RAB38: variants seen among roughly 807,000 people sequenced by gnomAD.
The protein encoded by RAB38 is ras-related protein Rab-38.
A neutral mutation model predicts 18.4 loss-of-function variants in RAB38; 15 were observed. The observed-to-expected ratio is 0.82, with a 90% confidence interval of 0.55 to 1.26. RAB38 has a LOEUF of 1.26. Ranked by LOEUF, RAB38 falls within the 50% of genes most tolerant of loss-of-function variation. The probability of loss-of-function intolerance (pLI) is 0.00; values close to 1 mark genes in which losing one functional copy is unlikely to be tolerated. For missense variants in RAB38, 294 were observed against 267.4 expected (o/e 1.10, Z -0.69); for synonymous variants, 101 against 104.4 (o/e 0.97, Z 0.20).
At chr11:87,852,262 C>G in the RAB38 span, among the ~76,000 whole-genome samples, 304 of 152,178 alleles carry the variant, frequency 2.0e-3, 1 homozygote, top group African/African-American at 7.1e-3. Flanking sequence ...GGGAGAAGGT[C>G]AGAGGAAAGG....
chr11:88,062,727 G>A, the RAB38 span, among the ~76,000 whole-genome samples: 1 of 152,162 alleles, frequency 6.6e-6, no homozygotes, highest in African/African-American at 2.4e-5. Context: ...TTCTAGTCCA[G>A]GTTTCCCACA....
At chr11:88,065,459 G>C in the RAB38 span, among the ~76,000 whole-genome samples, 7 of 152,136 alleles carry the variant, frequency 4.6e-5, no homozygotes, top group African/African-American at 9.7e-5. Context: ...ATGTCTAGCT[G>C]TAATTCCAAA....
At chr11:87,945,402 G>A in the RAB38 span, among the ~76,000 whole-genome samples, 2 of 152,154 alleles carry the variant, frequency 1.3e-5, no homozygotes, top group Non-Finnish European at 2.9e-5. Flanking sequence ...GAGACTTAAA[G>A]CAATTCAGAT....
chr11:87,822,110 G>GA, the RAB38 span, among the ~76,000 whole-genome samples: 10 of 144,806 alleles, frequency 6.9e-5, no homozygotes, highest in Admixed American at 6.8e-4. Context: ...ACTAAAATAA[G>GA]AAAAAAATAC....
chr11:87,813,217 G>A, the RAB38 span, among the ~76,000 whole-genome samples: 1 of 152,120 alleles, frequency 6.6e-6, no homozygotes, highest in Admixed American at 6.5e-5. Flanking sequence ...AAACCTCACA[G>A]GATTTATTTC....
At chr11:87,946,975 C>A in the RAB38 span, among the ~76,000 whole-genome samples, 1 of 151,760 alleles carries the variant, frequency 6.6e-6, no homozygotes, top group East Asian at 1.9e-4. Context: ...CACTGACTTC[C>A]ACAATGGTTG....
At chr11:88,036,583 A>C in the RAB38 span, among the ~76,000 whole-genome samples, 1 of 152,114 alleles carries the variant, frequency 6.6e-6, no homozygotes, top group African/African-American at 2.4e-5. Flanking sequence ...CTTTTTTCTT[A>C]GAACATTTTA....
chr11:88,052,935 T>TATATATATATATATATATATC, the RAB38 span, among the ~76,000 whole-genome samples: 1 of 85,790 alleles, frequency 1.2e-5, no homozygotes, highest in African/African-American at 5.2e-5. Context: ...TATATATATA[T>TATATATATATATATATATATC]ATATATATAA....
chr11:87,924,999 G>A, the RAB38 span, among the ~76,000 whole-genome samples: 1 of 152,004 alleles, frequency 6.6e-6, no homozygotes, highest in African/African-American at 2.4e-5. Context: ...TGCACACTAG[G>A]TAAACGAGGG....
the RAB38 span, among the ~76,000 whole-genome samples, chr11:87,976,764 CATA>C: frequency 1.1e-5 from 1 of 95,222 alleles, no homozygotes; most frequent in Non-Finnish European, 1.9e-5. Context: ...ATATATTTCA[CATA>C]ATATATATTT....
the RAB38 span, among the ~76,000 whole-genome samples, chr11:87,868,608 A>AGAGAGAGAGAGAGAGAGAGAGAGG: frequency 5.8e-5 from 6 of 102,988 alleles, no homozygotes; most frequent in African/African-American, 8.0e-5. Flanking sequence ...AGAGAGAGAG[A>AGAGAGAGAGAGAGAGAGAGAGAGG]GAGAGAGAGA....
At chr11:88,109,120 G>A (rs1470179467), downstream of RAB38, among the ~76,000 whole-genome samples, 1 of 151,956 alleles carries the variant, frequency 6.6e-6, no homozygotes, top group African/African-American at 2.4e-5. Context: ...GTGTCTTAGT[G>A]TTGCTCCTCA....
the RAB38 span, among the ~76,000 whole-genome samples, chr11:87,848,815 C>A: frequency 6.6e-6 from 1 of 152,072 alleles, no homozygotes; most frequent in Non-Finnish European, 1.5e-5. Flanking sequence ...ACCGGAAAAT[C>A]AGTACATACA....
chr11:88,019,954 A>G, the RAB38 span, among the ~76,000 whole-genome samples: 1 of 152,112 alleles, frequency 6.6e-6, no homozygotes, highest in Non-Finnish European at 1.5e-5. Context: ...ACTTCTCTCT[A>G]ATTCAGCACT....
chr11:88,067,003 A>G, the RAB38 span, among the ~76,000 whole-genome samples: 1 of 152,218 alleles, frequency 6.6e-6, no homozygotes, highest in East Asian at 1.9e-4. Context: ...GAGTTTTCAA[A>G]TGAAATAAGG....
At chr11:88,095,877 A>G in the RAB38 span, among the ~76,000 whole-genome samples, 994 of 151,926 alleles carry the variant, frequency 6.5e-3, 9 homozygotes, top group African/African-American at 0.022. Flanking sequence ...CATCCAATCT[A>G]TCAGGAAATC....
At chr11:87,887,800 A>G in the RAB38 span, among the ~76,000 whole-genome samples, 7 of 151,954 alleles carry the variant, frequency 4.6e-5, no homozygotes, top group African/African-American at 1.7e-4. Context: ...TTGGATTTTT[A>G]AAATCACCTA....
chr11:87,808,176 T>A, the RAB38 span, among the ~76,000 whole-genome samples: 3 of 152,164 alleles, frequency 2.0e-5, no homozygotes, highest in Non-Finnish European at 2.9e-5. Context: ...AATATAGAAC[T>A]ACCATATGAT....
At chr11:88,079,455 C>T in the RAB38 span, among the ~76,000 whole-genome samples, 9 of 151,610 alleles carry the variant, frequency 5.9e-5, no homozygotes. Flanking sequence ...CTCTTCTAGC[C>T]CAAACAAACT....
Sources: allele counts gnomAD v4.1 joint callset (sites outside exome capture counted in the v4.1 genomes callset), GRCh38; gene constraint gnomAD v4.1.1; transcripts MANE v1.5; gene names NCBI Gene and HGNC (gene_info 2026-07-23, HGNC 2026-07-21).